The following HS3ST5 variants were observed in gnomAD, a reference collection of about 807,000 sequenced individuals.
The protein encoded by HS3ST5 is heparan sulfate glucosamine 3-O-sulfotransferase 5.
In HS3ST5, 10 loss-of-function variants were observed where a neutral mutation model predicts 25.4. The ratio of observed to expected loss-of-function variants is 0.39; its 90% confidence interval spans 0.24 to 0.67. The LOEUF is 0.67. Among genes scored for constraint, HS3ST5 ranks in the 30% least tolerant of loss-of-function variants. The pLI is 0.44. For synonymous variants in HS3ST5, 170 were observed against 162.4 expected, an observed-to-expected ratio of 1.05 and a Z score of -0.36; for missense variants, 324 against 420.7, an observed-to-expected ratio of 0.77 and a Z score of 2.01.
intron 2 of HS3ST5, among the ~76,000 whole-genome samples, chr6:114,213,347 G>T (rs12174228): frequency 5.1e-5 from 7 of 138,146 alleles, no homozygotes; most frequent in South Asian, 2.8e-4. Flanking sequence ...CGGCGGGGGT[G>T]GGGGGGTGGG....
intron 3 of HS3ST5, among the ~76,000 whole-genome samples, chr6:114,093,772 A>G (rs1406771011): frequency 6.6e-6 from 1 of 152,182 alleles, no homozygotes; most frequent in Non-Finnish European, 1.5e-5. Flanking sequence ...TGCTTTGTAT[A>G]GAGGCCAAGA....
At chr6:114,271,872 C>T (rs935855762) in intron 1 of HS3ST5, among the ~76,000 whole-genome samples, 29 of 152,180 alleles carry the variant, frequency 1.9e-4, no homozygotes, top group African/African-American at 6.7e-4. Context: ...CACCTGTCTG[C>T]AGGAGGACCG....
intron 1 of HS3ST5, among the ~76,000 whole-genome samples, chr6:114,333,319 G>A (rs772820291): frequency 3.2e-4 from 49 of 152,166 alleles, no homozygotes; most frequent in Non-Finnish European, 5.9e-4. Context: ...TTTCTTGGAT[G>A]TCTGCGCAGA....
At chr6:114,156,420 A>C (rs1778700080) in intron 3 of HS3ST5, among the ~76,000 whole-genome samples, 1 of 152,220 alleles carries the variant, frequency 6.6e-6, no homozygotes, top group South Asian at 2.1e-4. Context: ...TTGTGATCAA[A>C]ACTGGTATGT....
intron 3 of HS3ST5, among the ~76,000 whole-genome samples, chr6:114,090,331 C>T (rs1291605676): frequency 6.6e-6 from 1 of 152,130 alleles, no homozygotes; most frequent in African/African-American, 2.4e-5. Flanking sequence ...CAAATTGTGT[C>T]TCGAATGCCA....
chr6:114,096,849 A>G (rs1010246059), intron 3 of HS3ST5, among the ~76,000 whole-genome samples: 4 of 152,160 alleles, frequency 2.6e-5, no homozygotes. Context: ...TTTAAAGTAT[A>G]TTCCTTAGTC....
intron 3 of HS3ST5, among the ~76,000 whole-genome samples, chr6:114,134,676 G>A (rs1014364735): frequency 1.3e-5 from 2 of 152,156 alleles, no homozygotes; most frequent in African/African-American, 4.8e-5. Flanking sequence ...AAGCTCCTCA[G>A]GTGATTCTAG....
chr6:114,335,342 C>G (rs1776566085), intron 1 of HS3ST5, among the ~76,000 whole-genome samples: 1 of 149,946 alleles, frequency 6.7e-6, no homozygotes, highest in Non-Finnish European at 1.5e-5. Context: ...TAGAATTAAA[C>G]TTGATCTCTT....
chr6:114,266,048 AC>A (rs1773391790), intron 1 of HS3ST5, among the ~76,000 whole-genome samples: 2 of 152,100 alleles, frequency 1.3e-5, no homozygotes, highest in Admixed American at 1.3e-4. Flanking sequence ...CAAATATCCC[AC>A]AGGAACCTAA....
At chr6:114,065,058 G>C (rs1441420571) in intron 3 of HS3ST5, among the ~76,000 whole-genome samples, 2 of 151,742 alleles carry the variant, frequency 1.3e-5, no homozygotes, top group Non-Finnish European at 2.9e-5. Context: ...TAACATAGCA[G>C]GGCTTGCCTT....
intron 1 of HS3ST5, among the ~76,000 whole-genome samples, chr6:114,284,494 G>C (rs1203395485): frequency 6.6e-6 from 1 of 151,848 alleles, no homozygotes; most frequent in African/African-American, 2.4e-5. Flanking sequence ...GTCACAACTT[G>C]GCACAGAAAA....
At chr6:114,298,762 T>C (rs923611281) in intron 1 of HS3ST5, among the ~76,000 whole-genome samples, 1 of 152,222 alleles carries the variant, frequency 6.6e-6, no homozygotes, top group Admixed American at 6.5e-5. Context: ...CTGTCTTTAC[T>C]GCAATCTCTA....
chr6:114,085,696 G>T (rs1442349848), intron 3 of HS3ST5, among the ~76,000 whole-genome samples: 1 of 151,826 alleles, frequency 6.6e-6, no homozygotes, highest in Admixed American at 6.6e-5. Flanking sequence ...TTACCAATTG[G>T]GTGTTCTGAT....
chr6:114,322,562 T>A (rs1054971283), intron 1 of HS3ST5, among the ~76,000 whole-genome samples: 3 of 152,168 alleles, frequency 2.0e-5, no homozygotes, highest in Non-Finnish European at 4.4e-5. Context: ...AAATTCCCTG[T>A]TGATAATGAC....
At chr6:114,104,393 C>A (rs991605726) in intron 3 of HS3ST5, among the ~76,000 whole-genome samples, 1 of 152,144 alleles carries the variant, frequency 6.6e-6, no homozygotes, top group Admixed American at 6.5e-5. Flanking sequence ...TATCTCAAAT[C>A]CAGGCCTCCC....
intron 1 of HS3ST5, among the ~76,000 whole-genome samples, chr6:114,273,536 C>T (rs1434217814): frequency 1.3e-5 from 2 of 151,884 alleles, no homozygotes; most frequent in African/African-American, 4.8e-5. Context: ...AGCGTCTGAG[C>T]CTTATGACAC....
chr6:114,210,241 T>G (rs1225418028), intron 2 of HS3ST5, among the ~76,000 whole-genome samples: 2 of 152,176 alleles, frequency 1.3e-5, no homozygotes, highest in African/African-American at 4.8e-5. Context: ...TGTGCCCCTC[T>G]AGGTATATTC....
chr6:114,313,948 CAG>C (rs1225210848), intron 1 of HS3ST5, among the ~76,000 whole-genome samples: 2 of 152,102 alleles, frequency 1.3e-5, no homozygotes, highest in South Asian at 2.1e-4. Flanking sequence ...TTGTTTAAGA[CAG>C]AGTCTCACTC....
At chr6:114,273,550 A>C (rs1773720723) in intron 1 of HS3ST5, among the ~76,000 whole-genome samples, 1 of 152,050 alleles carries the variant, frequency 6.6e-6, no homozygotes, top group Non-Finnish European at 1.5e-5. Context: ...ATGACACTCT[A>C]AGAGGTTAGG....
Sources: allele counts gnomAD v4.1 joint callset (sites outside exome capture counted in the v4.1 genomes callset), GRCh38; gene constraint gnomAD v4.1.1; transcripts MANE v1.5; gene names NCBI Gene and HGNC (gene_info 2026-07-23, HGNC 2026-07-21).